The following LRIF1 variants were observed in gnomAD, a reference collection of about 807,000 sequenced individuals.
The protein encoded by LRIF1 is ligand-dependent nuclear receptor-interacting factor 1.
A neutral mutation model predicts 52.7 loss-of-function variants in LRIF1; 32 were observed. That is an observed-to-expected ratio of 0.61 (90% CI 0.46 to 0.82). The LOEUF (loss-of-function observed/expected upper bound fraction) is 0.82, where lower values mean the gene tolerates loss of function less well. Ranked by LOEUF, LRIF1 falls within the 40% of genes least tolerant of loss-of-function variation. LRIF1 has a pLI of 0.00. For synonymous variants in LRIF1, 323 were observed against 317.4 expected (o/e 1.02, Z -0.19); for missense variants, 887 against 892.0 (o/e 0.99, Z 0.07).
chr1:110,929,863 A>C, the LRIF1 span, among the ~76,000 whole-genome samples: 17 of 152,130 alleles, frequency 1.1e-4, no homozygotes, highest in Non-Finnish European at 2.4e-4. Flanking sequence ...CTACCAGGAG[A>C]GAAGGTAGGA....
At chr1:110,883,581 C>T in the LRIF1 span, among the ~76,000 whole-genome samples, 2 of 151,684 alleles carry the variant, frequency 1.3e-5, no homozygotes, top group African/African-American at 2.4e-5. Context: ...GAGAGTGTAC[C>T]CTCCTTTTCT....
chr1:110,962,458 A>G (rs1659000173), intron 1 of LRIF1, among the ~76,000 whole-genome samples: 1 of 152,180 alleles, frequency 6.6e-6, no homozygotes, highest in East Asian at 1.9e-4. Context: ...AGGACTCACC[A>G]TTACTTACGG....
intron 1 of LRIF1, among the ~76,000 whole-genome samples, chr1:110,958,021 G>A (rs917097758): frequency 6.6e-6 from 1 of 152,148 alleles, no homozygotes; most frequent in African/African-American, 2.4e-5. Context: ...TTTTCTGATT[G>A]CAGCCACTAT....
At chr1:110,891,324 T>A in the LRIF1 span, 39 of 1,069,424 alleles carry the variant, frequency 3.6e-5, 2 homozygotes, top group South Asian at 4.8e-4. Context: ...CCCTGAACAT[T>A]TGTGCACTCT....
At chr1:110,938,338 T>G in the LRIF1 span, 1 of 152,008 alleles carries the variant, frequency 6.6e-6, no homozygotes. Flanking sequence ...AATCCAACAA[T>G]ATATTAGAAA....
rs367579864 is a variant in LRIF1 at position 110,950,000 on chromosome 1, A to G, written c.1720T>C (p.Phe574Leu). 60 of 1,614,024 alleles carry G rather than the reference A, an allele frequency of 3.7e-5. No homozygotes were observed. The highest frequency in any genetic ancestry group is 4.9e-5 in the Non-Finnish European group (58 of 1,180,022). The change falls in exon 3 of 4, where the codon TTT becomes CTT. Residue 574 changes from phenylalanine to leucine, a missense_variant. Coordinates refer to ENST00000369763, the MANE Select transcript of LRIF1 (RefSeq NM_018372.4). ...ACTCTCAAATCCTTAGTAAGGCCAAATATCTTTTTAAATTCAGCATCACTC... is the reference window on the plus strand; with the variant it reads ...ACTCTCAAATCCTTAGTAAGGCCAAGTATCTTTTTAAATTCAGCATCACTC... ...LKSDAEFKKI[F>L]GLTKDLRVCL...
At chr1:110,959,953 TCTTA>T (rs1410847916) in intron 1 of LRIF1, among the ~76,000 whole-genome samples, 6 of 152,070 alleles carry the variant, frequency 3.9e-5, no homozygotes, top group East Asian at 1.9e-4. Flanking sequence ...GAAATCCTTT[TCTTA>T]CTATCTATGA....
At chr1:110,929,616 T>C in the LRIF1 span, among the ~76,000 whole-genome samples, 1 of 152,164 alleles carries the variant, frequency 6.6e-6, no homozygotes, top group East Asian at 1.9e-4. Flanking sequence ...GGGTTTTTTT[T>C]CTTATAAATT....
chr1:110,894,831 C>T, the LRIF1 span: 20 of 704,918 alleles, frequency 2.8e-5, no homozygotes, highest in Admixed American at 3.5e-4. Flanking sequence ...CCTCCCCTCA[C>T]CCTTAGTTCT....
chr1:110,950,437 A>G (rs1570940336), intron 2 of LRIF1, among the ~76,000 whole-genome samples: 1 of 152,324 alleles, frequency 6.6e-6, no homozygotes, highest in East Asian at 1.9e-4. Flanking sequence ...TTATTTAGAA[A>G]TTGTAGTCTT....
At chr1:110,915,127 T>C in the LRIF1 span, among the ~76,000 whole-genome samples, 1 of 152,188 alleles carries the variant, frequency 6.6e-6, no homozygotes, top group African/African-American at 2.4e-5. Flanking sequence ...AAAAATAAGC[T>C]ACAAATATTT....
At chr1:110,937,102 C>T in the LRIF1 span, 2 of 151,990 alleles carry the variant, frequency 1.3e-5, no homozygotes, top group East Asian at 1.9e-4. Context: ...AGAGCTAAGG[C>T]GAGGGATAGA....
chr1:110,924,674 T>C, the LRIF1 span, among the ~76,000 whole-genome samples: 1 of 152,202 alleles, frequency 6.6e-6, no homozygotes, highest in Non-Finnish European at 1.5e-5. Flanking sequence ...ATTATGGGGA[T>C]TGCAATTCAA....
the LRIF1 span, among the ~76,000 whole-genome samples, chr1:110,875,705 A>G: frequency 6.6e-6 from 1 of 152,286 alleles, no homozygotes; most frequent in South Asian, 2.1e-4. Flanking sequence ...ACTGAAGCAA[A>G]GTAACCCAGA....
chr1:110,952,669 G>T lies in LRIF1; in HGVS notation c.215C>A (p.Thr72Lys), dbSNP rs1243483351. 1 of 1,614,088 alleles carries T rather than the reference G, an allele frequency of 6.2e-7. No individual in the cohort carries two copies. The highest frequency in any genetic ancestry group is 8.5e-7 in the Non-Finnish European group (1 of 1,179,984). ...AAAAGTAACTTGAACTGGTTTTCCT[G>T]TATTCCCTTTCAAAGCATCAGACAT... The part of the protein sequence containing the change: ...SVMSDALKGN[T>K]GKPVQVTFQT... Residue 72 changes from threonine to lysine, a missense_variant, in exon 2 of 4, where the codon ACA (threonine) becomes AAA (lysine). Thr to Lys is a moderately conservative substitution (Grantham distance 78). Coordinates refer to ENST00000369763, the MANE Select transcript of LRIF1 (RefSeq NM_018372.4).
chr1:110,947,608 ACTAT>A lies in LRIF1; in HGVS notation c.*347_*350del, dbSNP rs1462211655. The A allele has an allele frequency of 5.9e-6, 1 of 170,416 alleles. No homozygotes were observed. Among genetic ancestry groups the A allele is most frequent in the African/African-American group, 2.4e-5 (1 of 41,916 alleles). 10.6% of individuals were successfully genotyped at this position (170,416 alleles called of 1,614,324 possible). On this transcript the variant is annotated 3_prime_UTR_variant, in exon 4 of 4. Coordinates refer to ENST00000369763, the MANE Select transcript of LRIF1 (RefSeq NM_018372.4). ...TGTAAAATTTCAGTAATACACAGTCACTATCTACTGCTGGAATAATGCCTGAGCA... is the reference window on the plus strand; with the variant it reads ...TGTAAAATTTCAGTAATACACAGTCACTACTGCTGGAATAATGCCTGAGCA...
chr1:110,897,517 T>G, the LRIF1 span, among the ~76,000 whole-genome samples: 2 of 152,192 alleles, frequency 1.3e-5, no homozygotes, highest in African/African-American at 4.8e-5. Flanking sequence ...TCAAAGACAG[T>G]AGGACGTCGG....
chr1:110,878,836 C>T, the LRIF1 span, among the ~76,000 whole-genome samples: 5 of 152,152 alleles, frequency 3.3e-5, no homozygotes, highest in Admixed American at 1.3e-4. Flanking sequence ...GTTCTAATAA[C>T]GTATTCTCAA....
At chr1:110,919,249 T>C in the LRIF1 span, among the ~76,000 whole-genome samples, 1 of 121,264 alleles carries the variant, frequency 8.2e-6, no homozygotes, top group Non-Finnish European at 1.7e-5. Context: ...AGATTAACAC[T>C]TGAGTCACTG....
Sources: allele counts gnomAD v4.1 joint callset (sites outside exome capture counted in the v4.1 genomes callset), GRCh38; gene constraint gnomAD v4.1.1; transcripts MANE v1.5; gene names NCBI Gene and HGNC (gene_info 2026-07-23, HGNC 2026-07-21).